The following HSD17B11 variants were observed in gnomAD, a reference collection of about 807,000 sequenced individuals.
HSD17B11 encodes the protein estradiol 17-beta-dehydrogenase 11.
HSD17B11 carries 22 observed loss-of-function variants against 27.8 expected under a neutral mutation model. That is an observed-to-expected ratio of 0.79 (90% CI 0.56 to 1.13). The LOEUF (loss-of-function observed/expected upper bound fraction) is 1.13, where lower values mean the gene tolerates loss of function less well. HSD17B11 is among the 50% of genes most tolerant of loss of function. HSD17B11 has a pLI of 0.00. For synonymous variants in HSD17B11, 117 were observed against 132.8 expected, an observed-to-expected ratio of 0.88 and a Z score of 0.82; for missense variants, 314 against 351.1, an observed-to-expected ratio of 0.89 and a Z score of 0.84.
chr4:87,372,242 CAAAAAAAAA>C (rs10618602), intron 4 of HSD17B11, among the ~76,000 whole-genome samples: 4 of 99,448 alleles, frequency 4.0e-5, no homozygotes, highest in African/African-American at 1.3e-4. Context: ...GACTCCGTCT[CAAAAAAAAA>C]AAAAAAAAAA....
intron 5 of HSD17B11, among the ~76,000 whole-genome samples, chr4:87,344,932 A>C (rs780163009): frequency 1.3e-5 from 2 of 152,240 alleles, no homozygotes; most frequent in African/African-American, 2.4e-5. Context: ...ATTAGAAAAT[A>C]CTTTGAGGTG....
In HSD17B11 at chr4:87,347,211, T is replaced by C. The variant is rs1365674964; in HGVS notation, c.696-6605A>G. Among the ~76,000 whole-genome samples, 3 of 67,838 alleles carry C rather than the reference T, an allele frequency of 4.4e-5. 1 individual carries two copies. The East Asian group carries it at 9.3e-4, about 21-fold the overall frequency. The allele number at this position is 67,838 out of a possible 152,430, so 44.5% of individuals were successfully genotyped here. On this transcript the variant is annotated intron_variant, in intron 5 of 6. Coordinates refer to ENST00000358290, the MANE Select transcript of HSD17B11 (RefSeq NM_016245.5). ...CATATGTATACATGTGCCATGCTGG[T>C]GCGCTGCACCCACTAATGTGTCATC...
intron 4 of HSD17B11, among the ~76,000 whole-genome samples, chr4:87,364,086 A>G (rs953334037): frequency 6.6e-6 from 1 of 152,140 alleles, no homozygotes; most frequent in African/African-American, 2.4e-5. Context: ...TCTCTTCTTG[A>G]AGCTTGTTTT....
intron 4 of HSD17B11, among the ~76,000 whole-genome samples, chr4:87,361,581 C>T (rs1181018942): frequency 5.9e-5 from 9 of 152,084 alleles, no homozygotes; most frequent in Admixed American, 5.9e-4. Flanking sequence ...TCCTGGCTAA[C>T]ACAGTGAAAC....
At chr4:87,354,931 C>G (rs1365515245) in intron 5 of HSD17B11, among the ~76,000 whole-genome samples, 1 of 101,344 alleles carries the variant, frequency 9.9e-6, no homozygotes, top group African/African-American at 3.9e-5. Context: ...CCTGGGCAAA[C>G]AGCAAAATCC....
chr4:87,361,324 A>G (rs2110119343), intron 4 of HSD17B11, among the ~76,000 whole-genome samples: 1 of 152,310 alleles, frequency 6.6e-6, no homozygotes, highest in South Asian at 2.1e-4. Context: ...TCAGGAAGTT[A>G]CCCTACATGG....
chr4:87,361,136 G>A (rs1735505126), intron 4 of HSD17B11, among the ~76,000 whole-genome samples: 1 of 152,110 alleles, frequency 6.6e-6, no homozygotes, highest in South Asian at 2.1e-4. Flanking sequence ...AGATGACATA[G>A]GAGGTCAGTA....
At chr4:87,388,489 C>G (rs1720375331) in intron 1 of HSD17B11, among the ~76,000 whole-genome samples, 1 of 152,188 alleles carries the variant, frequency 6.6e-6, no homozygotes, top group African/African-American at 2.4e-5. Context: ...TGATCCCTCC[C>G]TGCAGGACTC....
At chr4:87,341,881 A>G (rs1735177011) in intron 5 of HSD17B11, among the ~76,000 whole-genome samples, 1 of 118,512 alleles carries the variant, frequency 8.4e-6, no homozygotes, top group Admixed American at 7.8e-5. Flanking sequence ...AAATAAATAG[A>G]TAGATAAGTG....
chr4:87,342,847 C>T (rs972665847), intron 5 of HSD17B11, among the ~76,000 whole-genome samples: 11 of 152,072 alleles, frequency 7.2e-5, no homozygotes, highest in African/African-American at 2.7e-4. Context: ...ATAATGAAAT[C>T]GATGGCTTTT....
In HSD17B11 at chr4:87,378,878, AT is replaced by A. The variant is rs1230732934; in HGVS notation, c.318+3376del. ...TATAAATATATATAAATATATATAT[AT>A]AAATATATATATATAAATATATATA... On this transcript the variant is annotated intron_variant, in intron 2 of 6. Transcript: ENST00000358290. 3.1e-3 allele frequency among the ~76,000 whole-genome samples: 56 copies of A among 18,238 alleles called. 7 individuals carry two copies. The highest frequency in any genetic ancestry group is 0.014 in the South Asian group (8 of 566). 12.0% of individuals were successfully genotyped at this position (18,238 alleles called of 152,430 possible).
chr4:87,385,622 GTATAT>G (rs1388373503), intron 1 of HSD17B11, among the ~76,000 whole-genome samples: 1 of 152,118 alleles, frequency 6.6e-6, no homozygotes, highest in East Asian at 1.9e-4. Context: ...TTTTTTAAAA[GTATAT>G]TGTATTGGCC....
chr4:87,355,896 C>T (rs1735374142), intron 5 of HSD17B11, among the ~76,000 whole-genome samples: 1 of 148,072 alleles, frequency 6.8e-6, no homozygotes, highest in African/African-American at 2.5e-5. Context: ...AGAGTGAAAC[C>T]CTGTCTCAAA....
Position 87,372,758 on chromosome 4 carries a change from C to G in HSD17B11, c.508G>C (p.Val170Leu). The G allele has an allele frequency of 1.9e-6, 3 of 1,613,872 alleles. No homozygotes were observed. Among genetic ancestry groups the G allele is most frequent in the Non-Finnish European group, 2.5e-6 (3 of 1,179,816 alleles). ...GAGACATGTCCAGCTGCCGAAGCCA[C>G]AGTGACAATATGGCCATGGTTATTC... is the stretch of plus-strand genomic sequence containing the variant. Reference protein sequence around the residue: ...TKNNHGHIVTVASAAGHVSVP... With the variant: ...TKNNHGHIVTLASAAGHVSVP... Residue 170 changes from valine to leucine, a missense_variant, in exon 4 of 7, where the codon GTG becomes CTG. Physicochemically the swap from Val to Leu is conservative, Grantham distance 32 (BLOSUM62 1). Transcript: ENST00000358290.
chr4:87,377,818 G>A (rs1307499241), intron 2 of HSD17B11, among the ~76,000 whole-genome samples: 1 of 152,154 alleles, frequency 6.6e-6, no homozygotes, highest in Non-Finnish European at 1.5e-5. Context: ...GGGACTGAGG[G>A]AAAAGTGGCA....
chr4:87,373,191 T>A (rs1735754975), intron 3 of HSD17B11: 2 of 173,370 alleles, frequency 1.2e-5, no homozygotes, highest in African/African-American at 4.8e-5. Context: ...AATGCAAAAA[T>A]TAGCTGGTCA....
chr4:87,345,558 T>G (rs1465746011), intron 5 of HSD17B11, among the ~76,000 whole-genome samples: 1 of 152,078 alleles, frequency 6.6e-6, no homozygotes, highest in Non-Finnish European at 1.5e-5. Context: ...TAGCAAACCT[T>G]TAGCTACACT....
At chr4:87,380,456 G>C (rs1720119074) in intron 2 of HSD17B11, among the ~76,000 whole-genome samples, 1 of 106,216 alleles carries the variant, frequency 9.4e-6, no homozygotes, top group Non-Finnish European at 1.8e-5. Flanking sequence ...CTGGGCAACA[G>C]AGCAAGACTG....
rs1365262412 is a variant in HSD17B11, at chr4:87,355,637, C to T, written c.695+1642G>A. 2.6e-5 allele frequency among the ~76,000 whole-genome samples: 4 copies of T among 152,144 alleles called. No individual in the cohort carries two copies. The South Asian group carries it at 6.2e-4, about 24-fold the overall frequency. The stretch of plus-strand genomic sequence containing the variant: ...TCTAGAGCTCAGCTGGGCATGGTGG[C>T]TCATGCCTGTAATCCCAGCACTTTG... On this transcript the variant is annotated intron_variant, in intron 5 of 6. Coordinates refer to ENST00000358290, the MANE Select transcript of HSD17B11 (RefSeq NM_016245.5).
Sources: allele counts gnomAD v4.1 joint callset (sites outside exome capture counted in the v4.1 genomes callset), GRCh38; gene constraint gnomAD v4.1.1; transcripts MANE v1.5; gene names NCBI Gene and HGNC (gene_info 2026-07-23, HGNC 2026-07-21).